The following GSE1 variants were observed in gnomAD, a reference collection of about 807,000 sequenced individuals.
GSE1 encodes genetic suppressor element 1.
A neutral mutation model predicts 112.6 loss-of-function variants in GSE1; 32 were observed. That is an observed-to-expected ratio of 0.28 (90% CI 0.21 to 0.38). The LOEUF is 0.38. Ranked by LOEUF, GSE1 falls within the 10% of genes least tolerant of loss-of-function variation. The pLI is 1.00. For synonymous variants in GSE1, 1,115 were observed against 735.6 expected (o/e 1.52, Z -8.35); for missense variants, 2,348 against 1,699.2 (o/e 1.38, Z -6.71).
chr16:85,332,785 C>G (rs891931595), intron 1 of GSE1, among the ~76,000 whole-genome samples: 4 of 152,210 alleles, frequency 2.6e-5, no homozygotes, highest in Admixed American at 6.5e-5. Context: ...TTCTCCCCCT[C>G]CAGCCTCTTC....
intron 1 of GSE1, among the ~76,000 whole-genome samples, chr16:85,238,692 A>T (rs1189859062): frequency 6.6e-6 from 1 of 152,168 alleles, no homozygotes; most frequent in East Asian, 1.9e-4. Context: ...TCCCTGCTGT[A>T]GCCAGCCCTT....
intron 1 of GSE1, among the ~76,000 whole-genome samples, chr16:85,240,449 CTCA>C (rs1905082819): frequency 6.6e-6 from 1 of 152,262 alleles, no homozygotes; most frequent in South Asian, 2.1e-4. Flanking sequence ...CCCTGCATTC[CTCA>C]TCAACGTCTC....
At chr16:85,263,973 CGGGCCCTCCAGCCTG>C (rs1327697223) in intron 1 of GSE1, among the ~76,000 whole-genome samples, 5 of 152,142 alleles carry the variant, frequency 3.3e-5, no homozygotes, top group Non-Finnish European at 4.4e-5. Context: ...TAGTCAACAG[CGGGCCCTCCAGCCTG>C]GGGCCGGGGA....
intron 1 of GSE1, among the ~76,000 whole-genome samples, chr16:85,207,359 G>C (rs1274495810): frequency 6.6e-6 from 1 of 152,358 alleles, no homozygotes; most frequent in East Asian, 1.9e-4. Flanking sequence ...GGGGGCCCCT[G>C]CCCGCCGCCA....
intron 1 of GSE1, among the ~76,000 whole-genome samples, chr16:85,229,623 G>A (rs573002975): frequency 9.2e-5 from 14 of 152,354 alleles, no homozygotes; most frequent in Admixed American, 1.3e-4. Flanking sequence ...CCAGCAAGTC[G>A]TTGAGCTGGG....
chr16:85,613,144 C>G (rs2048105062), upstream of GSE1: 2 of 1,293,354 alleles, frequency 1.5e-6, no homozygotes, highest in African/African-American at 1.6e-5. Flanking sequence ...CCCGACACCT[C>G]CCGCTGGCTG....
chr16:85,355,252 C>T (rs777968196), intron 1 of GSE1, among the ~76,000 whole-genome samples: 1 of 152,090 alleles, frequency 6.6e-6, no homozygotes, highest in Non-Finnish European at 1.5e-5. Flanking sequence ...ACCGGATCAA[C>T]AGAAAGTTGC....
intron 2 of GSE1, among the ~76,000 whole-genome samples, chr16:85,507,559 A>C (rs1297598796): frequency 6.6e-6 from 1 of 152,258 alleles, no homozygotes; most frequent in Non-Finnish European, 1.5e-5. Context: ...TCTGGAGGCC[A>C]GGAGCCTGAA....
chr16:85,550,739 C>T (rs558738946), intron 2 of GSE1, among the ~76,000 whole-genome samples: 8 of 152,298 alleles, frequency 5.3e-5, no homozygotes, highest in African/African-American at 1.7e-4. Flanking sequence ...CTCTCTTGGC[C>T]AGCTAGGCTG....
chr16:85,651,591 G>A (rs1259345497), intron 3 of GSE1, among the ~76,000 whole-genome samples: 2 of 152,190 alleles, frequency 1.3e-5, no homozygotes, highest in African/African-American at 2.4e-5. Context: ...CCCGGCCCAC[G>A]GCGCGGGCAG....
intron 1 of GSE1, among the ~76,000 whole-genome samples, chr16:85,572,423 CACACACAGCACATACA>C (rs1338440931): frequency 6.7e-6 from 1 of 150,130 alleles, no homozygotes; most frequent in Admixed American, 6.6e-5. Flanking sequence ...ACACACCACA[CACACACAGCACATACA>C]ACACACAGCA....
intron 1 of GSE1, among the ~76,000 whole-genome samples, chr16:85,260,113 G>A (rs961582041): frequency 1.3e-5 from 2 of 152,100 alleles, no homozygotes; most frequent in African/African-American, 4.8e-5. Flanking sequence ...GCGGGGCATG[G>A]GCAGCCCCCC....
chr16:85,595,220 A>G (rs1417420558), intron 1 of GSE1: 1 of 152,364 alleles, frequency 6.6e-6, no homozygotes, highest in Admixed American at 6.5e-5. Flanking sequence ...TCCCCTCCAG[A>G]CTGCGTTCTG....
intron 2 of GSE1, among the ~76,000 whole-genome samples, chr16:85,502,115 G>A (rs1433044750): frequency 1.3e-5 from 2 of 152,170 alleles, no homozygotes; most frequent in Non-Finnish European, 2.9e-5. Flanking sequence ...GGCTGCAGGC[G>A]CTGAGCCTGA....
intron 2 of GSE1, among the ~76,000 whole-genome samples, chr16:85,484,304 T>C (rs536642674): frequency 6.6e-6 from 1 of 152,236 alleles, no homozygotes; most frequent in Non-Finnish European, 1.5e-5. Context: ...AGAGCCAGCA[T>C]AGCCAGCAGG....
chr16:85,211,816 C>T (rs35710692), intron 1 of GSE1, among the ~76,000 whole-genome samples: 3,110 of 152,346 alleles, frequency 0.02, 92 homozygotes, highest in East Asian at 0.12. Flanking sequence ...GACCCGGGCT[C>T]TTCCCCAGAC....
chr16:85,213,237 C>T lies in GSE1; in HGVS notation c.2283+41430C>T, dbSNP rs188806314. ...TGAGCCGAGATCACACTACTGCACTCCAGCCTGGCAACAGAGCAAGACTCT... is the reference window on the plus strand; with the variant it reads ...TGAGCCGAGATCACACTACTGCACTTCAGCCTGGCAACAGAGCAAGACTCT... On this transcript the variant is annotated intron_variant, in intron 1 of 2. Transcript: ENST00000637419. Among the ~76,000 whole-genome samples the T allele has an allele frequency of 9.1e-3, 1,376 of 151,168 alleles. 13 individuals are homozygous for T. The highest frequency in any genetic ancestry group is 0.016 in the Non-Finnish European group (1,065 of 67,774).
At chr16:85,315,849 G>A (rs2045973654) in intron 1 of GSE1, among the ~76,000 whole-genome samples, 1 of 152,176 alleles carries the variant, frequency 6.6e-6, no homozygotes, top group Admixed American at 6.5e-5. Flanking sequence ...TAAAGGCTTC[G>A]GAGCAAACCC....
chr16:85,171,183 C>T (rs1178073394), exon 1 of GSE1: 1 of 985,644 alleles, frequency 1.0e-6, no homozygotes, highest in Non-Finnish European at 1.2e-6. Context: ...CCTGCCAGAA[C>T]GAGGAGCTCA....
Sources: gnomAD v4.1 joint callset for allele counts (sites outside exome capture counted in the v4.1 genomes callset) on GRCh38, gnomAD v4.1.1 for gene constraint, MANE v1.5 for transcripts, NCBI Gene and HGNC (gene_info 2026-07-23, HGNC 2026-07-21) for gene names.